Variants in RBFOX1 observed in about 807,000 individuals in gnomAD.
The protein encoded by RBFOX1 is RNA binding fox-1 homolog 1.
RBFOX1 carries 8 observed loss-of-function variants against 57.7 expected under a neutral mutation model. The ratio of observed to expected loss-of-function variants is 0.14; its 90% CI spans 0.08 to 0.25. RBFOX1 has a LOEUF of 0.25. Ranked by LOEUF, RBFOX1 falls within the 10% of genes least tolerant of loss-of-function variation. The pLI is 1.00. For missense variants in RBFOX1, 611 were observed against 548.5 expected, an observed-to-expected ratio of 1.11 and a Z score of -1.14; for synonymous variants, 326 against 222.4, an observed-to-expected ratio of 1.47 and a Z score of -4.15.
chr16:5,479,764 C>T (rs1178017466), intron 2 of RBFOX1, among the ~76,000 whole-genome samples: 1 of 151,644 alleles, frequency 6.6e-6, no homozygotes, highest in East Asian at 1.9e-4. Context: ...GCCCCTCACC[C>T]CCCGCAAAAA....
chr16:6,255,020 T>G (rs2097651484), intron 1 of RBFOX1, among the ~76,000 whole-genome samples: 1 of 152,096 alleles, frequency 6.6e-6, no homozygotes, highest in African/African-American at 2.4e-5. Flanking sequence ...TCTTCTTCCT[T>G]CCATCTCTCC....
intron 2 of RBFOX1, among the ~76,000 whole-genome samples, chr16:6,443,383 C>T (rs374865325): frequency 6.8e-6 from 1 of 146,920 alleles, no homozygotes; most frequent in Non-Finnish European, 1.5e-5. Context: ...TCTTCTGTTG[C>T]TCATTTTCCC....
At chr16:6,481,476 C>A (rs114177124) in intron 2 of RBFOX1, among the ~76,000 whole-genome samples, 1 of 152,222 alleles carries the variant, frequency 6.6e-6, no homozygotes, top group Admixed American at 6.5e-5. Context: ...CCATCGGCCA[C>A]CCGCACCATG....
intron 4 of RBFOX1, among the ~76,000 whole-genome samples, chr16:7,294,608 C>T (rs1039621277): frequency 6.6e-6 from 1 of 151,626 alleles, no homozygotes; most frequent in African/African-American, 2.4e-5. Flanking sequence ...CTTACTCCTG[C>T]TCTAATTGAG....
chr16:6,874,663 G>A (rs554659187), intron 3 of RBFOX1, among the ~76,000 whole-genome samples: 22 of 151,880 alleles, frequency 1.4e-4, no homozygotes, highest in African/African-American at 5.1e-4. Context: ...TTCCATTCCC[G>A]AGTTCCTTAA....
chr16:6,202,426 C>G (rs775345706), intron 1 of RBFOX1, among the ~76,000 whole-genome samples: 31 of 152,094 alleles, frequency 2.0e-4, no homozygotes, highest in Non-Finnish European at 3.2e-4. Flanking sequence ...AATCCATCTT[C>G]TTTCTTTTAG....
chr16:7,237,428 G>T (rs1481037712), intron 4 of RBFOX1, among the ~76,000 whole-genome samples: 2 of 152,086 alleles, frequency 1.3e-5, no homozygotes, highest in Admixed American at 1.3e-4. Context: ...TTTGTCTCTG[G>T]ACCAGGCACT....
At chr16:6,706,100 T>G (rs746385471) in intron 3 of RBFOX1, among the ~76,000 whole-genome samples, 6 of 152,186 alleles carry the variant, frequency 3.9e-5, no homozygotes, top group Non-Finnish European at 8.8e-5. Flanking sequence ...ACCCGGATGC[T>G]TAGCCCCAGT....
chr16:7,401,464 G>C (rs1277693654), intron 4 of RBFOX1, among the ~76,000 whole-genome samples: 2 of 152,208 alleles, frequency 1.3e-5, no homozygotes, highest in Non-Finnish European at 2.9e-5. Context: ...TCGATAGCTA[G>C]ATGGCTAAAT....
intron 2 of RBFOX1, among the ~76,000 whole-genome samples, chr16:6,385,861 A>G (rs1286141842): frequency 6.6e-6 from 1 of 152,044 alleles, no homozygotes; most frequent in African/African-American, 2.4e-5. Flanking sequence ...AGAGTGTGCC[A>G]ATGAGATCTT....
intron 1 of RBFOX1, among the ~76,000 whole-genome samples, chr16:6,300,710 C>T (rs1209243707): frequency 6.6e-6 from 1 of 152,150 alleles, no homozygotes; most frequent in Non-Finnish European, 1.5e-5. Context: ...TAGCTTGTAG[C>T]CCTACTCTTT....
chr16:6,837,569 C>T (rs929190852), intron 3 of RBFOX1, among the ~76,000 whole-genome samples: 41 of 152,190 alleles, frequency 2.7e-4, no homozygotes, highest in African/African-American at 9.7e-4. Context: ...GTACTGGGCT[C>T]AGACTGGTTT....
chr16:6,668,177 A>G (rs2098744114), intron 3 of RBFOX1, among the ~76,000 whole-genome samples: 1 of 152,208 alleles, frequency 6.6e-6, no homozygotes, highest in African/African-American at 2.4e-5. Flanking sequence ...CAGACCAGGG[A>G]TTGGAAACAG....
At chr16:5,931,885 G>A (rs2059066334) in intron 4 of RBFOX1, among the ~76,000 whole-genome samples, 1 of 152,186 alleles carries the variant, frequency 6.6e-6, no homozygotes, top group Non-Finnish European at 1.5e-5. Flanking sequence ...CTAACTCACT[G>A]CAGCCTTGAC....
intron 3 of RBFOX1, among the ~76,000 whole-genome samples, chr16:7,040,640 C>G (rs1390874688): frequency 6.6e-6 from 1 of 152,052 alleles, no homozygotes; most frequent in Admixed American, 6.6e-5. Context: ...TCATTCCAGA[C>G]TTTTTTCCAG....
intron 4 of RBFOX1, among the ~76,000 whole-genome samples, chr16:7,178,223 G>A (rs1458654186): frequency 6.6e-6 from 1 of 152,234 alleles, no homozygotes; most frequent in East Asian, 1.9e-4. Flanking sequence ...TCCACACAGT[G>A]ACCTAGTGAT....
At chr16:6,185,437 G>A (rs183634843) in intron 1 of RBFOX1, among the ~76,000 whole-genome samples, 95 of 152,254 alleles carry the variant, frequency 6.2e-4, no homozygotes, top group Non-Finnish European at 1.0e-3. Context: ...TGAAGAAACC[G>A]AAGTTCAGAG....
intron 4 of RBFOX1, among the ~76,000 whole-genome samples, chr16:7,444,338 T>A (rs995102168): frequency 6.6e-6 from 1 of 152,154 alleles, no homozygotes; most frequent in Admixed American, 6.5e-5. Flanking sequence ...TCGTAAGATA[T>A]ACCTATTCAG....
At chr16:7,695,892 A>T (rs1168257208) in intron 14 of RBFOX1, among the ~76,000 whole-genome samples, 1 of 152,166 alleles carries the variant, frequency 6.6e-6, no homozygotes. Context: ...TGAAATTCTT[A>T]TAAAGAGGTG....
Sources: allele counts gnomAD v4.1 joint callset (sites outside exome capture counted in the v4.1 genomes callset), GRCh38; gene constraint gnomAD v4.1.1; transcripts MANE v1.5; gene names NCBI Gene and HGNC (gene_info 2026-07-23, HGNC 2026-07-21).